Variants in KCNIP1 observed in about 807,000 individuals in gnomAD.
KCNIP1 encodes A-type potassium channel modulatory protein KCNIP1.
KCNIP1 carries 18 observed loss-of-function variants against 33.0 expected under a neutral mutation model. The observed-to-expected ratio is 0.55, with a 90% CI of 0.38 to 0.81. The LOEUF is 0.81. Ranked by LOEUF, KCNIP1 falls within the 30% of genes least tolerant of loss-of-function variation. The pLI is 0.00. For missense variants in KCNIP1, 238 were observed against 271.6 expected, an observed-to-expected ratio of 0.88 and a Z score of 0.87; for synonymous variants, 93 against 98.3, an observed-to-expected ratio of 0.95 and a Z score of 0.32.
intron 1 of KCNIP1, among the ~76,000 whole-genome samples, chr5:170,448,123 G>A (rs1756161976): frequency 6.6e-6 from 1 of 152,050 alleles, no homozygotes; most frequent in Admixed American, 6.5e-5. Flanking sequence ...GAGGACAGAA[G>A]TGCATCTATT....
intron 1 of KCNIP1, among the ~76,000 whole-genome samples, chr5:170,664,416 C>T (rs1046234745): frequency 6.6e-6 from 1 of 152,196 alleles, no homozygotes; most frequent in South Asian, 2.1e-4. Flanking sequence ...TGTGCAAGTG[C>T]TCATCTCCCC....
intron 1 of KCNIP1, among the ~76,000 whole-genome samples, chr5:170,380,522 G>A (rs145169592): frequency 6.6e-6 from 1 of 152,354 alleles, no homozygotes; most frequent in East Asian, 1.9e-4. Flanking sequence ...ATTCACTCCA[G>A]CAACACAGAG....
intron 1 of KCNIP1, among the ~76,000 whole-genome samples, chr5:170,384,017 G>A (rs538734772): frequency 2.0e-5 from 3 of 152,250 alleles, no homozygotes; most frequent in Non-Finnish European, 2.9e-5. Context: ...CACAGTCCCC[G>A]GACACAGGGA....
intron 1 of KCNIP1, among the ~76,000 whole-genome samples, chr5:170,443,086 G>T (rs1017586749): frequency 6.6e-6 from 1 of 152,308 alleles, no homozygotes; most frequent in Non-Finnish European, 1.5e-5. Flanking sequence ...TCAGCTAGTG[G>T]AGGGTCAGAG....
intron 1 of KCNIP1, among the ~76,000 whole-genome samples, chr5:170,531,324 A>C (rs73801009): frequency 0.078 from 11,870 of 152,160 alleles, 1,237 homozygotes; most frequent in African/African-American, 0.24. Flanking sequence ...CTGATTCAGG[A>C]GTTTGGGGCT....
intron 1 of KCNIP1, chr5:170,669,539 A>T: frequency 1.0e-6 from 1 of 985,344 alleles, no homozygotes; most frequent in Middle Eastern, 5.2e-4. Context: ...AGATGGATGG[A>T]TGGTTGATGG....
intron 1 of KCNIP1, among the ~76,000 whole-genome samples, chr5:170,589,090 C>T (rs1279128155): frequency 6.6e-6 from 1 of 151,558 alleles, no homozygotes; most frequent in Admixed American, 6.6e-5. Context: ...GCTCCACCTC[C>T]TGGGTTCACA....
At chr5:170,482,992 G>T (rs1757008321) in intron 1 of KCNIP1, 1 of 431,472 alleles carries the variant, frequency 2.3e-6, no homozygotes, top group African/African-American at 2.1e-5. Flanking sequence ...AGAAAACATA[G>T]CCTAAATTTT....
intron 1 of KCNIP1, among the ~76,000 whole-genome samples, chr5:170,589,268 G>A (rs1242957978): frequency 6.6e-6 from 1 of 152,094 alleles, no homozygotes; most frequent in Non-Finnish European, 1.5e-5. Flanking sequence ...CAAAGTGCTG[G>A]GATTACAGGC....
chr5:170,570,652 G>A (rs1054685036), intron 1 of KCNIP1, among the ~76,000 whole-genome samples: 2 of 152,254 alleles, frequency 1.3e-5, no homozygotes, highest in Non-Finnish European at 2.9e-5. Flanking sequence ...CGATTCAGAA[G>A]TGGTAATTAT....
chr5:170,440,063 C>T (rs1280875328), intron 1 of KCNIP1, among the ~76,000 whole-genome samples: 1 of 152,110 alleles, frequency 6.6e-6, no homozygotes, highest in African/African-American at 2.4e-5. Context: ...TAGGTTGGGC[C>T]CTCATCCCAT....
chr5:170,405,149 G>T (rs1303796616), intron 1 of KCNIP1, among the ~76,000 whole-genome samples: 1 of 151,912 alleles, frequency 6.6e-6, no homozygotes, highest in East Asian at 1.9e-4. Context: ...AAATTGCCCT[G>T]CAAAATTATG....
chr5:170,376,570 A>C (rs1764015325), intron 1 of KCNIP1: 1 of 151,930 alleles, frequency 6.6e-6, no homozygotes, highest in Admixed American at 6.5e-5. Flanking sequence ...CTTTGTGTCC[A>C]TGTGTTTTCA....
chr5:170,572,740 G>A (rs1022402310), intron 1 of KCNIP1, among the ~76,000 whole-genome samples: 1 of 152,180 alleles, frequency 6.6e-6, no homozygotes, highest in African/African-American at 2.4e-5. Context: ...ATGACTGATG[G>A]CACAGGTTGC....
At chr5:170,630,753 G>T (rs927055577) in intron 1 of KCNIP1, among the ~76,000 whole-genome samples, 1 of 152,208 alleles carries the variant, frequency 6.6e-6, no homozygotes, top group African/African-American at 2.4e-5. Flanking sequence ...ACAGGGAAAT[G>T]CCTGGTGGGG....
At chr5:170,680,443 A>C (rs1762298842) in intron 1 of KCNIP1, 1 of 152,198 alleles carries the variant, frequency 6.6e-6, no homozygotes, top group Non-Finnish European at 1.5e-5. Context: ...TTACCCATCT[A>C]ATAATTTCTG....
At chr5:170,365,572 C>T (rs910096352) in intron 1 of KCNIP1, among the ~76,000 whole-genome samples, 4 of 152,222 alleles carry the variant, frequency 2.6e-5, no homozygotes, top group Non-Finnish European at 5.9e-5. Flanking sequence ...CTGCTCCATT[C>T]AGCCAAGGGG....
rs375339277 is a variant in KCNIP1 at position 170,438,760 on chromosome 5, T to C, written c.88+84796T>C. 3.9e-5 allele frequency among the ~76,000 whole-genome samples: 6 copies of C among 152,304 alleles called. No individual in the cohort carries two copies. The South Asian group carries it at 1.2e-3, about 32-fold the overall frequency. On this transcript the variant is annotated intron_variant, in intron 1 of 7. Transcript: ENST00000377360. ...CTTGGTCTAGAACACTCCCTGTATCTGACTTCGACATGTTTCTTCCTCCAG... is the reference window on the plus strand; with the variant it reads ...CTTGGTCTAGAACACTCCCTGTATCCGACTTCGACATGTTTCTTCCTCCAG...
chr5:170,725,432 C>T (rs1448373766), intron 5 of KCNIP1, among the ~76,000 whole-genome samples: 1 of 152,130 alleles, frequency 6.6e-6, no homozygotes, highest in South Asian at 2.1e-4. Flanking sequence ...GAAAGACAAA[C>T]ATCCCATGTT....
Sources: allele counts gnomAD v4.1 joint callset (sites outside exome capture counted in the v4.1 genomes callset), GRCh38; gene constraint gnomAD v4.1.1; transcripts MANE v1.5; gene names NCBI Gene and HGNC (gene_info 2026-07-23, HGNC 2026-07-21).